Variants in FAM193A observed in about 807,000 individuals in gnomAD.
FAM193A encodes the protein family with sequence similarity 193 member A.
A neutral mutation model predicts 126.5 loss-of-function variants in FAM193A; 22 were observed. The ratio of observed to expected loss-of-function variants is 0.17; its 90% CI spans 0.12 to 0.25. The LOEUF (loss-of-function observed/expected upper bound fraction) is 0.25. Ranked by LOEUF, FAM193A falls within the 10% of genes least tolerant of loss-of-function variation. The pLI is 1.00. For synonymous variants in FAM193A, 761 were observed against 646.8 expected, an observed-to-expected ratio of 1.18 and a Z score of -2.68; for missense variants, 1,675 against 1,672.8, an observed-to-expected ratio of 1.00 and a Z score of -0.02.
At chr4:2,618,723 G>T (rs556321494) in intron 2 of FAM193A, among the ~76,000 whole-genome samples, 45 of 151,680 alleles carry the variant, frequency 3.0e-4, no homozygotes, top group African/African-American at 9.7e-4. Flanking sequence ...AGCCTCCTGA[G>T]TAGCTGGGAT....
intron 2 of FAM193A, among the ~76,000 whole-genome samples, chr4:2,607,275 G>T (rs755829488): frequency 6.6e-6 from 1 of 152,196 alleles, no homozygotes; most frequent in South Asian, 2.1e-4. Flanking sequence ...GCTCTGAAGT[G>T]TGTGGCAGTG....
At chr4:2,538,913 CAG>C (rs1194055019) in intron 1 of FAM193A, among the ~76,000 whole-genome samples, 6 of 151,674 alleles carry the variant, frequency 4.0e-5, no homozygotes, top group Admixed American at 2.0e-4. Context: ...TTTTTTGAGA[CAG>C]AGTCTCACTC....
chr4:2,552,120 T>A (rs1737960166), intron 1 of FAM193A, among the ~76,000 whole-genome samples: 1 of 150,766 alleles, frequency 6.6e-6, no homozygotes, highest in African/African-American at 2.4e-5. Flanking sequence ...TACGCCATTC[T>A]CCTGCCTCAG....
At chr4:2,603,874 A>G (rs1741371661) in intron 2 of FAM193A, among the ~76,000 whole-genome samples, 1 of 143,468 alleles carries the variant, frequency 7.0e-6, no homozygotes, top group African/African-American at 2.6e-5. Context: ...ACGGAATTTC[A>G]CTCTGTCACC....
intron 1 of FAM193A, among the ~76,000 whole-genome samples, chr4:2,584,988 G>A (rs559753930): frequency 2.4e-4 from 37 of 151,466 alleles, no homozygotes; most frequent in African/African-American, 8.9e-4. Flanking sequence ...GCCTGTTTTT[G>A]TACCTTATAT....
chr4:2,625,491 G>C (rs1377001449), intron 3 of FAM193A, 96 bp downstream of exon 3: 1 of 581,132 alleles, frequency 1.7e-6, no homozygotes. Flanking sequence ...TAATGTGACA[G>C]ACAGCAACAA....
intron 1 of FAM193A, among the ~76,000 whole-genome samples, chr4:2,579,704 CAA>C (rs557146978): frequency 2.4e-3 from 347 of 144,068 alleles, no homozygotes; most frequent in Non-Finnish European, 3.6e-3. Flanking sequence ...GTCTCAAAAA[CAA>C]AACAAAAAAA....
rs28567971 is a variant in FAM193A, at chr4:2,731,720, C to G, written c.4455-55C>G. 7.6e-4 allele frequency: 1,039 copies of G among 1,375,998 alleles called. 9 individuals are homozygous for G. In the African/African-American group the frequency reaches 0.013, roughly 18 times the overall value. The allele number at this position is 1,375,998 out of a possible 1,614,324, so 85.2% of individuals were successfully genotyped here. On this transcript the variant is annotated intron_variant, in intron 20 of 20. Transcript: ENST00000637812. ...GAGTGTGATGGGCTTTGCCAAGCAC[C>G]AGCTTGGTTGTGGGCTGTTTCCTTC...
chr4:2,640,121 C>T lies in FAM193A; in HGVS notation c.1163+262C>T, dbSNP rs139721902. Reference sequence around the variant, plus strand: ...TACAGAAAAGCTACAGTAAATATAGCACTTTTCCTTGACAAGACCTATCCT... The same window carrying T: ...TACAGAAAAGCTACAGTAAATATAGTACTTTTCCTTGACAAGACCTATCCT... On this transcript the variant is annotated intron_variant, in intron 6 of 20. Coordinates refer to ENST00000637812, the MANE Select transcript of FAM193A (RefSeq NM_001366318.2). 3.9e-4 allele frequency among the ~76,000 whole-genome samples: 59 copies of T among 152,254 alleles called. No homozygotes were observed. In the East Asian group the frequency reaches 0.011, roughly 28 times the overall value.
chr4:2,659,388 C>T (rs944030008), intron 8 of FAM193A, among the ~76,000 whole-genome samples, 170 bp from the exon 9 acceptor site: 1 of 152,140 alleles, frequency 6.6e-6, no homozygotes, highest in Non-Finnish European at 1.5e-5. Flanking sequence ...GCAGCTCAGC[C>T]CCCAGCTTGC....
intron 2 of FAM193A, among the ~76,000 whole-genome samples, chr4:2,621,539 G>A (rs968212322): frequency 6.6e-6 from 1 of 152,160 alleles, no homozygotes; most frequent in African/African-American, 2.4e-5. Context: ...TAAGTGAAGT[G>A]GAGGAGAACA....
chr4:2,551,084 G>A (rs187614769), intron 1 of FAM193A, among the ~76,000 whole-genome samples: 119 of 152,284 alleles, frequency 7.8e-4, no homozygotes, highest in Middle Eastern at 3.4e-3. Context: ...ACAGGTGTAA[G>A]CCCTGCCTGG....
At position 2,706,291 on chromosome 4, in the gene FAM193A, C is replaced by CTTTT. The variant is rs59143784; in HGVS notation, c.4372+5766_4372+5769dup. Among the ~76,000 whole-genome samples, 594 of 108,554 alleles carry CTTTT rather than the reference C, an allele frequency of 5.5e-3. 2 individuals are homozygous for CTTTT. Among genetic ancestry groups the CTTTT allele is most frequent in the East Asian group, 6.0e-3 (22 of 3,690 alleles). The allele number at this position is 108,554 out of a possible 152,430, so 71.2% of individuals were successfully genotyped here. A position where few individuals can be genotyped will look rare whatever the true frequency, so the allele number is the denominator to read the frequency against. On this transcript the variant is annotated intron_variant, in intron 19 of 20. Transcript: ENST00000637812. ...TGTCCTACAATAAATTTCTTTCTTT[C>CTTTT]TTTTTTTTTTTTTTTTTTTTTTGAG...
intron 1 of FAM193A, among the ~76,000 whole-genome samples, chr4:2,571,855 T>C (rs1450705250): frequency 6.6e-6 from 1 of 151,438 alleles, no homozygotes; most frequent in Non-Finnish European, 1.5e-5. Flanking sequence ...CAGAACTTTT[T>C]GTTTACTACT....
chr4:2,629,005 A>C (rs1218027223), intron 4 of FAM193A, among the ~76,000 whole-genome samples: 1 of 152,012 alleles, frequency 6.6e-6, no homozygotes, highest in Non-Finnish European at 1.5e-5. Flanking sequence ...GGCGCCTGAC[A>C]CCATGCCCGG....
intron 2 of FAM193A, among the ~76,000 whole-genome samples, chr4:2,598,300 A>G (rs773771844): frequency 3.9e-5 from 6 of 152,154 alleles, no homozygotes; most frequent in Non-Finnish European, 8.8e-5. Context: ...ATGCATCCGT[A>G]GTTTCTCTTT....
intron 2 of FAM193A, among the ~76,000 whole-genome samples, chr4:2,618,490 C>T (rs1037845010): frequency 2.0e-5 from 3 of 150,984 alleles, no homozygotes; most frequent in Non-Finnish European, 4.4e-5. Context: ...TGCGATGGTG[C>T]GATCTCGGCT....
rs117492539 is a variant in FAM193A, at chr4:2,689,283, C to T, written c.2332-223C>T. Among the ~76,000 whole-genome samples, 165 of 152,304 alleles carry T rather than the reference C, an allele frequency of 1.1e-3. 2 individuals carry two copies. In the East Asian group the frequency reaches 0.023, roughly 21 times the overall value. ...TGTTCAGATATACTCCTCAAGGCAT[C>T]GGTTGCTTTTCATATCTACATCTGG... On this transcript the variant is annotated intron_variant, in intron 13 of 20. Coordinates refer to ENST00000637812, the MANE Select transcript of FAM193A (RefSeq NM_001366318.2).
chr4:2,705,559 G>A (rs948073570), intron 19 of FAM193A, among the ~76,000 whole-genome samples: 2 of 151,522 alleles, frequency 1.3e-5, no homozygotes, highest in Non-Finnish European at 1.5e-5. Context: ...AATGGTTAGC[G>A]AGTGGTCCCA....
Sources: gnomAD v4.1 joint callset for allele counts (sites outside exome capture counted in the v4.1 genomes callset) on GRCh38, gnomAD v4.1.1 for gene constraint, MANE v1.5 for transcripts, NCBI Gene and HGNC (gene_info 2026-07-23, HGNC 2026-07-21) for gene names.